Variants in FANCA observed in about 807,000 individuals in gnomAD.
The protein encoded by FANCA is Fanconi anemia group A protein.
Under a neutral mutation model 194.3 loss-of-function variants are expected in FANCA, and 236 were observed. The observed-to-expected ratio is 1.21, with a 90% CI of 1.09 to 1.35. The LOEUF (loss-of-function observed/expected upper bound fraction) is 1.35. Ranked by LOEUF, FANCA falls within the 40% of genes most tolerant of loss-of-function variation. The pLI is 0.00. For missense variants in FANCA, 2,628 were observed against 1,813.9 expected (o/e 1.45, Z -8.15); for synonymous variants, 1,014 against 715.8 (o/e 1.42, Z -6.65).
At position 89,742,905 on chromosome 16, in the gene FANCA, G is replaced by A. The variant is rs751703958; in HGVS notation, c.3660C>T (p.Pro1220=). The A allele has an allele frequency of 4.3e-6, 7 of 1,614,142 alleles. No individual in the cohort carries two copies. Among genetic ancestry groups the A allele is most frequent in the South Asian group, 1.1e-5 (1 of 91,088 alleles). Residue 1220 remains proline, a synonymous_variant, in exon 37 of 43, where the codon CCC becomes CCT. Transcript: ENST00000389301. ...CAGCAGCTGAGAGCCAGTCCGGGTT[G>A]GGTGCTGGGGAGGCAGCCTCAGGGG... ...FLSPEAASPA[P]NPDWLSAAAL...
At chr16:89,795,798 A>C (rs2040224927) in intron 11 of FANCA, 108 bp downstream of exon 11, 1 of 804,318 alleles carries the variant, frequency 1.2e-6, no homozygotes, top group Non-Finnish European at 2.2e-6. Context: ...GACAGACGTA[A>C]AAGAGGTCCT....
At position 89,792,461 on chromosome 16, in the gene FANCA, AT is replaced by A. The variant is rs1229551550; in HGVS notation, c.1083+9del. ...AGCTCAGAAGCAGGTATAATACCAC[AT>A]CCACTCACCCTGCGGTACAGTGAGG... On this transcript the variant is annotated intron_variant, in intron 12 of 42. Transcript: ENST00000389301. 2 of 1,612,580 alleles carry A rather than the reference AT, an allele frequency of 1.2e-6. No homozygotes were observed. Among genetic ancestry groups the A allele is most frequent in the Non-Finnish European group, 1.7e-6 (2 of 1,179,360 alleles).
In FANCA at chr16:89,811,070, G is replaced by C; in HGVS notation, c.285C>G (p.Gly95=). 6.2e-7 allele frequency: 1 copy of C among 1,613,986 alleles called. No homozygotes were observed. Among genetic ancestry groups the C allele is most frequent in the Non-Finnish European group, 8.5e-7 (1 of 1,180,042 alleles). The part of the protein sequence containing the change: ...AYANHSSSFI[G]SALQDQASRL... ...TTGAGGCTTGATCCTGCAAAGCAGAGCCTTAAACACAAAACAAAACCATAG... is the reference window on the plus strand; with the variant it reads ...TTGAGGCTTGATCCTGCAAAGCAGACCCTTAAACACAAAACAAAACCATAG... Residue 95 remains glycine (G), a splice_region_variant and synonymous_variant, in exon 4 of 43, where the codon GGC becomes GGG. Coordinates refer to ENST00000389301, the MANE Select transcript of FANCA (RefSeq NM_000135.4).
chr16:89,766,278 A>T (rs969495924), intron 27 of FANCA, among the ~76,000 whole-genome samples: 17 of 151,442 alleles, frequency 1.1e-4, no homozygotes, highest in African/African-American at 4.1e-4. Flanking sequence ...TACAGGCATG[A>T]GCCACCACGC....
chr16:89,779,686 C>T (rs1478182746), intron 18 of FANCA, among the ~76,000 whole-genome samples, 183 bp downstream of exon 18: 1 of 152,276 alleles, frequency 6.6e-6, no homozygotes, highest in Non-Finnish European at 1.5e-5. Context: ...AGTGGCCAAC[C>T]TGCCCCATGT....
At chr16:89,753,183 G>A (rs1249073246) in intron 30 of FANCA, among the ~76,000 whole-genome samples, 1 of 152,172 alleles carries the variant, frequency 6.6e-6, no homozygotes, top group Non-Finnish European at 1.5e-5. Context: ...TGCCAGGCAG[G>A]GACGGGCCCC....
At chr16:89,746,526 G>T in intron 35 of FANCA, 58 bp downstream of exon 35, 1 of 1,335,614 alleles carries the variant, frequency 7.5e-7, no homozygotes, top group Non-Finnish European at 1.1e-6. Flanking sequence ...GCCAGAGGCA[G>T]CTGTGGAGTC....
At chr16:89,811,770 G>A (rs1043085064) in intron 3 of FANCA, among the ~76,000 whole-genome samples, 5 of 151,964 alleles carry the variant, frequency 3.3e-5, no homozygotes, top group African/African-American at 9.7e-5. Context: ...TTACACTGCC[G>A]CCTGGACTGA....
At chr16:89,767,601 T>C (rs2039174833) in intron 26 of FANCA, among the ~76,000 whole-genome samples, 1 of 151,920 alleles carries the variant, frequency 6.6e-6, no homozygotes, top group African/African-American at 2.4e-5. Context: ...CAAGCCGGAG[T>C]AGAGTGGTGC....
Position 89,770,207 on chromosome 16 carries a change from G to C in FANCA, c.2275C>G (p.Pro759Ala). The C allele has an allele frequency of 6.3e-7, 1 of 1,594,298 alleles. No homozygotes were observed. The highest frequency in any genetic ancestry group is 8.5e-7 in the Non-Finnish European group (1 of 1,171,060). Reference protein sequence around the residue: ...FVRTMCGRVLPAVLTRLCQLL... With the variant: ...FVRTMCGRVLAAVLTRLCQLL... ...TGGCAGAGCCGGGTGAGCACTGCAG[G>C]GAGCACACGTCCACACATGGTCCTC... The change falls in exon 25 of 43, where the codon CCT (proline) becomes GCT (alanine). Residue 759 changes from proline to alanine, a missense_variant. Transcript: ENST00000389301.
At position 89,796,012 on chromosome 16, in the gene FANCA, T is replaced by G. The variant is rs2040234127; in HGVS notation, c.900A>C (p.Gly300=). The G allele has an allele frequency of 1.2e-6, 2 of 1,613,614 alleles. No homozygotes were observed. Among genetic ancestry groups the G allele is most frequent in the East Asian group, 4.5e-5 (2 of 44,864 alleles). The part of the protein sequence containing the change: ...STHKIVRCWF[G]VFSGHTLGSV... ...TGCCAAGCGTGTGTCCACTGAACAC[T>G]CCGAACCTGCCAATGCAGCAGAAAG... Residue 300 remains glycine (G), a synonymous_variant, in exon 11 of 43, where the codon GGA becomes GGC. Transcript: ENST00000389301.
chr16:89,798,720 GTGAATC>G lies in FANCA; in HGVS notation c.893+440_893+445del, dbSNP rs1360757680. On this transcript the variant is annotated intron_variant, in intron 10 of 42. Transcript: ENST00000389301. Reference sequence around the variant, plus strand: ...TAATAGGGCCAAGCTTTGCCTACTGGTGAATCTGAGCAGGATCTGTGGAGGCCAGGC... The same window carrying G: ...TAATAGGGCCAAGCTTTGCCTACTGGTGAGCAGGATCTGTGGAGGCCAGGC... 6 of 1,328,976 alleles carry G rather than the reference GTGAATC, an allele frequency of 4.5e-6. No homozygotes were observed. In the East Asian group the frequency reaches 1.9e-4, roughly 41 times the overall value. The allele number at this position is 1,328,976 out of a possible 1,614,324, so 82.3% of individuals were successfully genotyped here.
Position 89,738,405 on chromosome 16 carries a change from T to C in FANCA, c.*196A>G, listed in dbSNP as rs1369691740. ...TCCGGCTCAAGTAGCCTTCCTCTGC[T>C]CTGGGACCAGTGGTTTATTTTCCCG... is the stretch of plus-strand genomic sequence containing the variant. On this transcript the variant is annotated 3_prime_UTR_variant, in exon 43 of 43. Transcript: ENST00000389301. 5 of 1,378,992 alleles carry C rather than the reference T, an allele frequency of 3.6e-6. No individual in the cohort carries two copies. In the Admixed American group the frequency reaches 6.3e-5, roughly 17 times the overall value. 85.4% of individuals were successfully genotyped at this position (1,378,992 alleles called of 1,614,324 possible).
At chr16:89,782,451 C>T (rs1217867991) in intron 17 of FANCA, among the ~76,000 whole-genome samples, 3 of 151,076 alleles carry the variant, frequency 2.0e-5, no homozygotes, top group African/African-American at 7.3e-5. Flanking sequence ...GCAGAGGTTG[C>T]AGTGAGCCGA....
chr16:89,807,609 G>A (rs1397316381), intron 6 of FANCA, among the ~76,000 whole-genome samples: 2 of 152,184 alleles, frequency 1.3e-5, no homozygotes, highest in East Asian at 1.9e-4. Flanking sequence ...AAATTGCCAG[G>A]CACAGTGGTT....
chr16:89,810,802 TC>T lies in FANCA; in HGVS notation c.427-1del. The T allele has an allele frequency of 6.2e-7, 1 of 1,612,936 alleles. No individual in the cohort carries two copies. Among genetic ancestry groups the T allele is most frequent in the South Asian group, 1.1e-5 (1 of 91,060 alleles). ...AACTCTAACAGGGAAGACAGCTTCT[TC>T]TGAAAAGAGAGATTACATTTTTTAA... On this transcript the variant is annotated splice_acceptor_variant, in intron 4 of 42. Transcript: ENST00000389301. LOFTEE classifies it high-confidence loss of function.
At chr16:89,798,291 T>C in intron 10 of FANCA, 1 of 984,480 alleles carries the variant, frequency 1.0e-6, no homozygotes, top group South Asian at 4.8e-5. Context: ...ACATCTGCCG[T>C]CCACACCGCA....
At chr16:89,753,109 T>C (rs540500439) in intron 30 of FANCA, among the ~76,000 whole-genome samples, 5 of 152,218 alleles carry the variant, frequency 3.3e-5, no homozygotes, top group Non-Finnish European at 7.3e-5. Flanking sequence ...TAATAGTCCC[T>C]GATATGCAGA....
At chr16:89,815,198 G>C (rs1033997711) in intron 2 of FANCA, among the ~76,000 whole-genome samples, 4 of 151,636 alleles carry the variant, frequency 2.6e-5, no homozygotes, top group South Asian at 4.2e-4. Context: ...TACCATACCC[G>C]GCTAATTTTT....
Sources: gnomAD v4.1 joint callset for allele counts (sites outside exome capture counted in the v4.1 genomes callset) on GRCh38, gnomAD v4.1.1 for gene constraint, MANE v1.5 for transcripts, NCBI Gene and HGNC (gene_info 2026-07-23, HGNC 2026-07-21) for gene names.